TMPO: variants seen among roughly 807,000 people sequenced by gnomAD.
TMPO encodes the protein LEM domain containing 4.
A neutral mutation model predicts 45.4 loss-of-function variants in TMPO; 22 were observed. The ratio of observed to expected loss-of-function variants is 0.48; its 90% CI spans 0.35 to 0.69. The LOEUF is 0.69. Among genes scored for constraint, TMPO ranks in the 30% least tolerant of loss-of-function variants. The pLI, the probability that TMPO is intolerant of heterozygous loss-of-function variation, is 0.01. For synonymous variants in TMPO, 241 were observed against 204.1 expected (o/e 1.18, Z -1.54); for missense variants, 512 against 548.8 (o/e 0.93, Z 0.67).
chr12:98,533,608 A>G, intron 3 of TMPO: 1 of 1,614,206 alleles, frequency 6.2e-7, no homozygotes, highest in South Asian at 1.1e-5. Context: ...ATTTCAGAAC[A>G]TACCTGGATC....
chr12:98,519,878 A>G (rs1192634611), intron 1 of TMPO, among the ~76,000 whole-genome samples: 1 of 152,198 alleles, frequency 6.6e-6, no homozygotes, highest in African/African-American at 2.4e-5. Flanking sequence ...TCTTATATGT[A>G]CTATATTTTA....
chr12:98,535,629 A>G lies in TMPO; in HGVS notation c.566-1846A>G, dbSNP rs1369664725. On this transcript the variant is annotated intron_variant, in intron 3 of 8. Transcript: ENST00000556029. The stretch of plus-strand genomic sequence containing the variant: ...AATTCAATAAAGTTGTTAAATTTGA[A>G]CAGTGTTGTGTGGTCTCCAGAAACA... 5.1e-6 allele frequency: 5 copies of G among 985,336 alleles called. No homozygotes were observed. In the African/African-American group the frequency reaches 8.7e-5, roughly 17 times the overall value. 61.0% of individuals were successfully genotyped at this position (985,336 alleles called of 1,614,324 possible). A position where few individuals can be genotyped will look rare whatever the true frequency, so the allele number is the denominator to read the frequency against.
chr12:98,533,495 A>G, intron 3 of TMPO: 2 of 1,614,180 alleles, frequency 1.2e-6, no homozygotes, highest in Non-Finnish European at 1.7e-6. Context: ...AAGAGAATTG[A>G]TCAGTCTAAG....
At chr12:98,543,053 T>G (rs1370527708) in intron 4 of TMPO, among the ~76,000 whole-genome samples, 1 of 152,132 alleles carries the variant, frequency 6.6e-6, no homozygotes, top group Non-Finnish European at 1.5e-5. Flanking sequence ...TACAAAACCA[T>G]GATTTATGAG....
chr12:98,544,427 T>C lies in TMPO; in HGVS notation c.784-15T>C. 1.9e-6 allele frequency: 3 copies of C among 1,613,278 alleles called. No individual in the cohort carries two copies. The highest frequency in any genetic ancestry group is 2.5e-6 in the Non-Finnish European group (3 of 1,179,378). On this transcript the variant is annotated splice_polypyrimidine_tract_variant and intron_variant, in intron 5 of 8. Coordinates refer to ENST00000556029, the MANE Select transcript of TMPO (RefSeq NM_001032283.3). ...TTTTATATTTATTGTTTTTGTTTTG[T>C]TTTCAAACTAACAGGTGGAAACTTC...
chr12:98,527,338 AAAAAAAAAAAAAC>A (rs1156577434), intron 1 of TMPO, among the ~76,000 whole-genome samples: 7 of 33,948 alleles, frequency 2.1e-4, no homozygotes, highest in Non-Finnish European at 3.0e-4. Context: ...ATCTCTACAA[AAAAAAAAAAAAAC>A]AAAAAAAAAA....
chr12:98,516,156 C>T lies in TMPO; in HGVS notation c.279+10C>T, dbSNP rs1446041187. The T allele has an allele frequency of 7.3e-6, 10 of 1,378,210 alleles. No individual in the cohort carries two copies. Among genetic ancestry groups the T allele is most frequent in the Non-Finnish European group, 9.3e-6 (10 of 1,072,152 alleles). The allele number at this position is 1,378,210 out of a possible 1,614,324, so 85.4% of individuals were successfully genotyped here. ...AGCAGCCGTCGGCAGGGTAAGGACG[C>T]GGGGCCGGGGCTACAAAGGCGGGCG... On this transcript the variant is annotated intron_variant, in intron 1 of 8. Coordinates refer to ENST00000556029, the MANE Select transcript of TMPO (RefSeq NM_001032283.3).
In TMPO at chr12:98,547,621, A is replaced by G; in HGVS notation, c.1128A>G (p.Glu376=). 6.2e-7 allele frequency: 1 copy of G among 1,614,148 alleles called. No homozygotes were observed. Among genetic ancestry groups the G allele is most frequent in the Non-Finnish European group, 8.5e-7 (1 of 1,180,034 alleles). The change falls in exon 9 of 9, where the codon GAA becomes GAG. Residue 376 remains glutamate (E), a synonymous_variant. Transcript: ENST00000556029. ...PIKGAAGRPL[E]LSDFRMEESF... is the part of the protein sequence containing the mutation. Reference sequence around the variant, plus strand: ...AAGGGGCTGCAGGCCGGCCATTAGAACTCAGTGATTTCAGGATGGAGGAGT... The same window carrying G: ...AAGGGGCTGCAGGCCGGCCATTAGAGCTCAGTGATTTCAGGATGGAGGAGT...
At chr12:98,521,295 G>C (rs1466670562) in intron 1 of TMPO, among the ~76,000 whole-genome samples, 1 of 149,416 alleles carries the variant, frequency 6.7e-6, no homozygotes, top group African/African-American at 2.4e-5. Flanking sequence ...TGTATTTTTA[G>C]TAGAGACGGA....
chr12:98,536,661 A>G (rs1391124115), intron 3 of TMPO, among the ~76,000 whole-genome samples: 1 of 152,184 alleles, frequency 6.6e-6, no homozygotes, highest in Non-Finnish European at 1.5e-5. Flanking sequence ...AGGGATGTTA[A>G]CTAAAATCAG....
At chr12:98,546,621 TG>T (rs2121258669) in intron 8 of TMPO, among the ~76,000 whole-genome samples, 174 bp downstream of exon 8, 1 of 152,250 alleles carries the variant, frequency 6.6e-6, no homozygotes, top group East Asian at 1.9e-4. Flanking sequence ...GCAGGTGGAT[TG>T]CTTAAGCCCA....
intron 3 of TMPO, chr12:98,533,780 A>C: frequency 1.9e-6 from 3 of 1,614,236 alleles, no homozygotes; most frequent in Non-Finnish European, 2.5e-6. Context: ...GAATGGCAGC[A>C]AGTTGACAGG....
At chr12:98,537,170 G>A (rs566782135) in intron 3 of TMPO, among the ~76,000 whole-genome samples, 3 of 152,196 alleles carry the variant, frequency 2.0e-5, no homozygotes, top group African/African-American at 4.8e-5. Context: ...AAAAGCTTTC[G>A]TGGGAGCATT....
Position 98,549,676 on chromosome 12 carries a change from A to G in TMPO, c.*1818A>G, listed in dbSNP as rs1878428143. ...CACTAAAAATGTAAGTTATTTTTAA[A>G]TACATCTGAAATAAAAATACTTACT... On this transcript the variant is annotated 3_prime_UTR_variant, in exon 9 of 9. Coordinates refer to ENST00000556029, the MANE Select transcript of TMPO (RefSeq NM_001032283.3). The G allele has an allele frequency of 6.6e-6, 1 of 152,248 alleles. No individual in the cohort carries two copies. The highest frequency in any genetic ancestry group is 2.4e-5 in the African/African-American group (1 of 41,478). 9.4% of individuals were successfully genotyped at this position (152,248 alleles called of 1,614,324 possible).
Position 98,518,751 on chromosome 12 carries a change from T to C in TMPO, c.279+2605T>C, listed in dbSNP as rs538585139. Among the ~76,000 whole-genome samples, 16 of 152,320 alleles carry C rather than the reference T, an allele frequency of 1.1e-4. No individual in the cohort carries two copies. The South Asian group carries it at 3.3e-3, about 32-fold the overall frequency. The stretch of plus-strand genomic sequence containing the variant: ...AGATTATCCAGCAATTTTGAGTTCC[T>C]ACCAAGTGTTCTTAACTACTGGGTT... On this transcript the variant is annotated intron_variant, in intron 1 of 8. Transcript: ENST00000556029.
At chr12:98,532,792 C>T in intron 3 of TMPO, 1 of 1,614,004 alleles carries the variant, frequency 6.2e-7, no homozygotes, top group Non-Finnish European at 8.5e-7. Context: ...ACAGGTAATG[C>T]TTAAACTTCC....
Position 98,535,697 on chromosome 12 carries a change from A to C in TMPO, c.566-1778A>C, listed in dbSNP as rs529917881. On this transcript the variant is annotated intron_variant, in intron 3 of 8. Transcript: ENST00000556029. ...TATTCTTGGAGTTGCAACAAGTTAA[A>C]TATTTGTATATGAACACCCCTTTTC... The C allele has an allele frequency of 6.7e-5, 66 of 979,506 alleles. No homozygotes were observed. In the African/African-American group the frequency reaches 1.0e-3, roughly 15 times the overall value. The allele number at this position is 979,506 out of a possible 1,614,324, so 60.7% of individuals were successfully genotyped here.
intron 2 of TMPO, among the ~76,000 whole-genome samples, chr12:98,529,560 C>T (rs1246323023): frequency 2.0e-5 from 3 of 151,902 alleles, no homozygotes; most frequent in Non-Finnish European, 4.4e-5. Context: ...GAGAAAATTC[C>T]ATTTTATTAT....
chr12:98,535,475 T>G (rs543332047), intron 3 of TMPO: 84 of 985,242 alleles, frequency 8.5e-5, no homozygotes, highest in Non-Finnish European at 9.9e-5. Flanking sequence ...ATTCTTAGAT[T>G]ATATGTGTCC....
Sources: allele counts gnomAD v4.1 joint callset (sites outside exome capture counted in the v4.1 genomes callset), GRCh38; gene constraint gnomAD v4.1.1; transcripts MANE v1.5; gene names NCBI Gene and HGNC (gene_info 2026-07-23, HGNC 2026-07-21).